The following CFAP54 variants were observed in gnomAD, a reference collection of about 807,000 sequenced individuals.
CFAP54 encodes the protein cilia and flagella associated protein 54, also known as cilia- and flagella-associated protein 54.
In CFAP54, 290 loss-of-function variants were observed where a neutral mutation model predicts 370.4. The ratio of observed to expected loss-of-function variants is 0.78; its 90% confidence interval spans 0.71 to 0.86. CFAP54 has a LOEUF of 0.86. Among genes scored for constraint, CFAP54 ranks in the 40% least tolerant of loss-of-function variants. The probability of loss-of-function intolerance (pLI) is 0.00; values close to 1 mark genes in which losing one functional copy is unlikely to be tolerated. For synonymous variants in CFAP54, 1,206 were observed against 1,236.5 expected (o/e 0.98, Z 0.52); for missense variants, 3,399 against 3,528.7 (o/e 0.96, Z 0.93).
chr12:96,834,613 A>G (rs1367703616), intron 66 of CFAP54, among the ~76,000 whole-genome samples: 3 of 152,374 alleles, frequency 2.0e-5, no homozygotes, highest in Non-Finnish European at 4.4e-5. Flanking sequence ...TGGGGAACAC[A>G]GTGGTGCCCA....
chr12:96,819,505 A>G (rs1959008815), intron 65 of CFAP54, among the ~76,000 whole-genome samples: 1 of 152,192 alleles, frequency 6.6e-6, no homozygotes. Flanking sequence ...TAGACAATAT[A>G]TTGATTCCCT....
In CFAP54 at chr12:96,551,349, G is replaced by A. The variant is rs187373578; in HGVS notation, c.2155-2833G>A. ...GATGCCTCAACTTGGGTAGTGAGAA[G>A]AGGAGTGGGTAGGAGAAAATTCCTC... On this transcript the variant is annotated intron_variant, in intron 15 of 67. Transcript: ENST00000524981. Among the ~76,000 whole-genome samples, 129 of 152,254 alleles carry A rather than the reference G, an allele frequency of 8.5e-4. 1 individual carries two copies. Among genetic ancestry groups the A allele is most frequent in the African/African-American group, 3.0e-3 (123 of 41,540 alleles).
At chr12:96,792,167 G>C (rs180833404) in intron 62 of CFAP54, among the ~76,000 whole-genome samples, 162 bp from the exon 63 acceptor site, 1 of 152,158 alleles carries the variant, frequency 6.6e-6, no homozygotes, top group African/African-American at 2.4e-5. Flanking sequence ...TTTTACTGTA[G>C]GAGAATCTTC....
intron 25 of CFAP54, 75 bp downstream of exon 25, chr12:96,594,521 G>T (rs1456747786): frequency 8.4e-7 from 1 of 1,196,222 alleles, no homozygotes; most frequent in Non-Finnish European, 1.1e-6. Flanking sequence ...GAAAAGAAAA[G>T]CCATGTATCT....
chr12:96,492,823 T>C (rs1186007111), intron 1 of CFAP54, among the ~76,000 whole-genome samples: 2 of 152,114 alleles, frequency 1.3e-5, no homozygotes, highest in African/African-American at 4.8e-5. Flanking sequence ...CAAAACTCTG[T>C]CTCTACTAAA....
chr12:96,581,033 TG>T lies in CFAP54; in HGVS notation c.3007del (p.Glu1003ArgfsTer21). Reference protein sequence around the residue: ...NNGKLVGGAIGETTKPILVYP... With the variant: ...NNGKLVGGAIXETTKPILVYP... ...ACGGAAAGCTTGTCGGTGGTGCTAT[TG>T]GGGAGACAACTAAACCAATTCTGGT... On this transcript the variant is annotated frameshift_variant, in exon 22 of 68. Transcript: ENST00000524981. LOFTEE classifies it high-confidence loss of function. 1 of 1,533,898 alleles carries T rather than the reference TG, an allele frequency of 6.5e-7. No individual in the cohort carries two copies.
intron 50 of CFAP54, among the ~76,000 whole-genome samples, chr12:96,738,964 T>A (rs760507057): frequency 2.6e-5 from 4 of 152,224 alleles, no homozygotes; most frequent in Non-Finnish European, 5.9e-5. Context: ...CCCAGCCTAA[T>A]GTCCTCATTT....
chr12:96,673,567 T>C (rs1957171989), intron 39 of CFAP54, among the ~76,000 whole-genome samples: 2 of 152,240 alleles, frequency 1.3e-5, no homozygotes, highest in East Asian at 3.8e-4. Flanking sequence ...TTTTTTGGTC[T>C]ATGCTCTTGG....
intron 19 of CFAP54, among the ~76,000 whole-genome samples, chr12:96,576,201 T>C (rs1955973561): frequency 6.6e-6 from 1 of 152,036 alleles, no homozygotes. Flanking sequence ...ACACTTCAGC[T>C]GAATTAGGGT....
At chr12:96,615,779 C>A (rs530562297) in intron 26 of CFAP54, among the ~76,000 whole-genome samples, 1 of 152,124 alleles carries the variant, frequency 6.6e-6, no homozygotes, top group African/African-American at 2.4e-5. Flanking sequence ...TCATCACTGG[C>A]CATCAGAGAA....
intron 44 of CFAP54, among the ~76,000 whole-genome samples, chr12:96,691,754 G>T (rs1957390732): frequency 6.6e-6 from 1 of 152,022 alleles, no homozygotes; most frequent in Non-Finnish European, 1.5e-5. Flanking sequence ...AGAAAAATAG[G>T]TTCTAAGTAT....
chr12:96,775,104 G>A (rs1958503017), intron 60 of CFAP54, among the ~76,000 whole-genome samples: 1 of 152,116 alleles, frequency 6.6e-6, no homozygotes, highest in Non-Finnish European at 1.5e-5. Flanking sequence ...TAGTCACAGT[G>A]TAAATGAATG....
intron 64 of CFAP54, 75 bp downstream of exon 64, chr12:96,811,917 A>G (rs1592778034): frequency 1.1e-6 from 1 of 877,400 alleles, no homozygotes; most frequent in East Asian, 2.9e-5. Context: ...AGTAATTGGC[A>G]AGGTGTAGCA....
At chr12:96,787,996 C>G (rs115593041) in intron 62 of CFAP54, among the ~76,000 whole-genome samples, 2 of 151,248 alleles carry the variant, frequency 1.3e-5, no homozygotes, top group African/African-American at 4.9e-5. Context: ...GGCTCACTGC[C>G]GCCTCTGCCT....
intron 48 of CFAP54, among the ~76,000 whole-genome samples, chr12:96,715,302 T>A (rs896274878): frequency 5.9e-5 from 9 of 152,118 alleles, no homozygotes; most frequent in Admixed American, 3.9e-4. Context: ...CCAGCCACAT[T>A]AAAATTCAGG....
At chr12:96,565,157 CT>C (rs1196298876) in intron 19 of CFAP54, 1 of 152,928 alleles carries the variant, frequency 6.5e-6, no homozygotes, top group East Asian at 1.9e-4. Context: ...GACCAATCCC[CT>C]TGTTGATATT....
chr12:96,777,209 G>A (rs565064099), intron 60 of CFAP54, among the ~76,000 whole-genome samples: 1 of 152,242 alleles, frequency 6.6e-6, no homozygotes, highest in South Asian at 2.1e-4. Context: ...TTTTCCTGGA[G>A]ACAGCCATTG....
chr12:96,826,220 C>G (rs948629466), intron 65 of CFAP54, among the ~76,000 whole-genome samples: 1 of 144,106 alleles, frequency 6.9e-6, no homozygotes, highest in Admixed American at 7.3e-5. Context: ...AATGCAAAAA[C>G]AAGGAAAAGG....
intron 19 of CFAP54, among the ~76,000 whole-genome samples, chr12:96,575,248 C>G (rs555089072): frequency 6.6e-6 from 1 of 152,092 alleles, no homozygotes; most frequent in East Asian, 1.9e-4. Context: ...TATAAAAATT[C>G]TCAGTTATAA....
Sources: gnomAD v4.1 joint callset for allele counts (sites outside exome capture counted in the v4.1 genomes callset) on GRCh38, gnomAD v4.1.1 for gene constraint, MANE v1.5 for transcripts, NCBI Gene and HGNC (gene_info 2026-07-23, HGNC 2026-07-21) for gene names.